EHF: variants seen among roughly 807,000 people sequenced by gnomAD.
EHF encodes the protein ETS homologous factor.
A neutral mutation model predicts 45.1 loss-of-function variants in EHF; 14 were observed. That is an observed-to-expected ratio of 0.31 (90% confidence interval 0.21 to 0.49). The LOEUF (loss-of-function observed/expected upper bound fraction) is 0.49. EHF is among the 20% of genes least tolerant of loss of function. The pLI, the probability that EHF is intolerant of heterozygous loss-of-function variation, is 0.99. For missense variants in EHF, 282 were observed against 371.4 expected (o/e 0.76, Z 1.98); for synonymous variants, 136 against 131.8 (o/e 1.03, Z -0.22).
chr11:34,653,143 TCC>T (rs1855348804), intron 6 of EHF, among the ~76,000 whole-genome samples: 14 of 92 alleles, frequency 0.15, no homozygotes, highest in African/African-American at 0.21. Context: ...ATCTCCCACA[TCC>T]TTCCATCCTT....
chr11:34,661,925 G>A lies in EHF; in HGVS notation c.*2994G>A, dbSNP rs1193759332. Among the ~76,000 whole-genome samples, 1 of 152,140 alleles carries A rather than the reference G, an allele frequency of 6.6e-6. No individual in the cohort carries two copies. The highest frequency in any genetic ancestry group is 1.5e-5 in the Non-Finnish European group (1 of 68,002). ...AGACTTTACCAGGCTCAAATCATCT[G>A]AGGCTGATAGATATTTGACTTGGTA... is the stretch of plus-strand genomic sequence containing the variant. On this transcript the variant is annotated 3_prime_UTR_variant, in exon 9 of 9. Coordinates refer to ENST00000257831, the MANE Select transcript of EHF (RefSeq NM_012153.6).
chr11:34,656,584 C>A (rs1013341700), intron 6 of EHF, among the ~76,000 whole-genome samples: 2 of 141,844 alleles, frequency 1.4e-5, no homozygotes, highest in African/African-American at 2.5e-5. Flanking sequence ...CTATGTTACA[C>A]ATGGAAGGCT....
chr11:34,650,478 C>T (rs889361588), intron 4 of EHF, among the ~76,000 whole-genome samples: 1 of 152,154 alleles, frequency 6.6e-6, no homozygotes, highest in Non-Finnish European at 1.5e-5. Flanking sequence ...GTCGTAAACA[C>T]GAGGACTTAG....
At chr11:34,625,773 C>G (rs79815445) in intron 1 of EHF, among the ~76,000 whole-genome samples, 1 of 152,332 alleles carries the variant, frequency 6.6e-6, no homozygotes, top group Admixed American at 6.5e-5. Context: ...TTTACGGGGC[C>G]GGGCCCCTTG....
intron 1 of EHF, among the ~76,000 whole-genome samples, chr11:34,638,975 G>A (rs1853720966): frequency 6.6e-6 from 1 of 152,178 alleles, no homozygotes; most frequent in Non-Finnish European, 1.5e-5. Context: ...ATTTTGATGG[G>A]GGACATGTTT....
intron 6 of EHF, among the ~76,000 whole-genome samples, chr11:34,653,530 T>A (rs1855396744): frequency 6.6e-6 from 1 of 152,178 alleles, no homozygotes; most frequent in African/African-American, 2.4e-5. Context: ...ACCCTTCTGA[T>A]CCTTGTTTGC....
intron 1 of EHF, among the ~76,000 whole-genome samples, chr11:34,626,642 T>A (rs2133979152): frequency 6.6e-6 from 1 of 152,330 alleles, no homozygotes; most frequent in South Asian, 2.1e-4. Context: ...AAAATTAGAG[T>A]GCAGCTAGCT....
chr11:34,658,816 A>G lies in EHF; in HGVS notation c.804-16A>G. ...TTCATCGGATCAGTCACCTTATGCA[A>G]TCTCCTTTGTTACAGATATTACTAC... On this transcript the variant is annotated splice_polypyrimidine_tract_variant and intron_variant, in intron 8 of 8. Transcript: ENST00000257831. 3 of 1,609,700 alleles carry G rather than the reference A, an allele frequency of 1.9e-6. No homozygotes were observed. The highest frequency in any genetic ancestry group is 2.5e-6 in the Non-Finnish European group (3 of 1,178,194).
At chr11:34,651,445 C>A in intron 4 of EHF, 97 bp from the exon 5 acceptor site, 1 of 956,700 alleles carries the variant, frequency 1.0e-6, no homozygotes, top group Non-Finnish European at 1.7e-6. Flanking sequence ...ACTCCTCACC[C>A]CCCATACTTT....
At chr11:34,637,392 C>A (rs1853543847) in intron 1 of EHF, among the ~76,000 whole-genome samples, 2 of 152,206 alleles carry the variant, frequency 1.3e-5, no homozygotes, top group South Asian at 4.1e-4. Flanking sequence ...AAGTGCTTGG[C>A]AACTCAGGGC....
At chr11:34,634,563 T>C (rs1278329876) in intron 1 of EHF, among the ~76,000 whole-genome samples, 1 of 152,208 alleles carries the variant, frequency 6.6e-6, no homozygotes, top group Non-Finnish European at 1.5e-5. Context: ...TCCGTGGCCC[T>C]GGTGGTTCCC....
chr11:34,639,920 G>C (rs187357890), intron 1 of EHF, among the ~76,000 whole-genome samples: 2 of 152,324 alleles, frequency 1.3e-5, no homozygotes, highest in East Asian at 3.9e-4. Flanking sequence ...GTTTCCAGAA[G>C]GTCATGGTGG....
intron 7 of EHF, 59 bp downstream of exon 7, chr11:34,657,029 G>T: frequency 6.9e-6 from 11 of 1,594,804 alleles, no homozygotes; most frequent in Non-Finnish European, 9.4e-6. Context: ...GGCACATCTG[G>T]AGGCCACTAG....
At chr11:34,636,694 G>A (rs771284123) in intron 1 of EHF, among the ~76,000 whole-genome samples, 7 of 152,188 alleles carry the variant, frequency 4.6e-5, no homozygotes, top group Admixed American at 6.5e-5. Flanking sequence ...AACCCTGGCC[G>A]TTTGAATCAT....
intron 1 of EHF, among the ~76,000 whole-genome samples, chr11:34,641,214 A>G (rs1009985719): frequency 2.0e-5 from 3 of 152,100 alleles, no homozygotes; most frequent in Non-Finnish European, 4.4e-5. Context: ...TTCAGTCCTA[A>G]TTATTTACCA....
chr11:34,626,190 C>A (rs1430257858), intron 1 of EHF, among the ~76,000 whole-genome samples: 1 of 152,164 alleles, frequency 6.6e-6, no homozygotes, highest in East Asian at 1.9e-4. Context: ...CACAGAAGCA[C>A]AATAAATAAT....
At chr11:34,650,617 G>A (rs1443486589) in intron 4 of EHF, among the ~76,000 whole-genome samples, 1 of 152,228 alleles carries the variant, frequency 6.6e-6, no homozygotes, top group Admixed American at 6.5e-5. Context: ...GGTCTGCGGT[G>A]AGGAGAAAGC....
chr11:34,643,005 T>C (rs993269936), intron 2 of EHF, among the ~76,000 whole-genome samples: 1 of 152,050 alleles, frequency 6.6e-6, no homozygotes, highest in Non-Finnish European at 1.5e-5. Context: ...AAGGAAAGAC[T>C]CTCTGTTGGA....
intron 2 of EHF, among the ~76,000 whole-genome samples, chr11:34,644,848 C>T (rs1235246508): frequency 1.3e-5 from 2 of 152,332 alleles, no homozygotes; most frequent in East Asian, 1.9e-4. Context: ...TTGCCCCAGA[C>T]CTGTTGAATC....
Sources: allele counts gnomAD v4.1 joint callset (sites outside exome capture counted in the v4.1 genomes callset), GRCh38; gene constraint gnomAD v4.1.1; transcripts MANE v1.5; gene names NCBI Gene and HGNC (gene_info 2026-07-23, HGNC 2026-07-21).